Variants in NSMCE2 observed in about 807,000 individuals in gnomAD.
NSMCE2 encodes NSE2 SUMO ligase component of SMC5/6 complex, also known as E3 SUMO-protein ligase NSE2.
Under a neutral mutation model 23.8 loss-of-function variants are expected in NSMCE2, and 24 were observed. The ratio of observed to expected loss-of-function variants is 1.01; its 90% CI spans 0.73 to 1.42. The LOEUF (loss-of-function observed/expected upper bound fraction) is 1.42, where lower values mean the gene tolerates loss of function less well. NSMCE2 is among the 40% of genes most tolerant of loss of function. The probability of loss-of-function intolerance (pLI) is 0.00; values close to 1 mark genes in which losing one functional copy is unlikely to be tolerated. For missense variants in NSMCE2, 284 were observed against 296.5 expected, an observed-to-expected ratio of 0.96 and a Z score of 0.31; for synonymous variants, 92 against 94.1, an observed-to-expected ratio of 0.98 and a Z score of 0.13.
chr8:125,202,405 G>C (rs1476456092), intron 5 of NSMCE2, among the ~76,000 whole-genome samples: 1 of 152,170 alleles, frequency 6.6e-6, no homozygotes, highest in African/African-American at 2.4e-5. Context: ...TATATATGTT[G>C]ATAACAGTGG....
chr8:125,201,041 A>G (rs562799101), intron 5 of NSMCE2, among the ~76,000 whole-genome samples: 5 of 152,222 alleles, frequency 3.3e-5, no homozygotes, highest in Admixed American at 6.5e-5. Context: ...GGTCTTCTCT[A>G]TACTGTTTAT....
chr8:125,231,613 G>A (rs1825326442), intron 5 of NSMCE2, among the ~76,000 whole-genome samples: 1 of 152,164 alleles, frequency 6.6e-6, no homozygotes, highest in African/African-American at 2.4e-5. Context: ...TTCTGAAAAA[G>A]TGGATTAGAA....
intron 5 of NSMCE2, among the ~76,000 whole-genome samples, chr8:125,288,153 T>C (rs940086211): frequency 1.3e-5 from 2 of 152,262 alleles, no homozygotes; most frequent in East Asian, 1.9e-4. Flanking sequence ...TTCTGGGCAA[T>C]TGCGCTTCTT....
chr8:125,132,789 C>A (rs139235996), intron 3 of NSMCE2, among the ~76,000 whole-genome samples: 1 of 152,182 alleles, frequency 6.6e-6, no homozygotes, highest in Non-Finnish European at 1.5e-5. Context: ...GCCACCCACA[C>A]CCAGCCCAAT....
intron 5 of NSMCE2, among the ~76,000 whole-genome samples, chr8:125,257,691 G>A (rs1220145667): frequency 6.6e-6 from 1 of 151,968 alleles, no homozygotes; most frequent in Admixed American, 6.5e-5. Context: ...TCACCACCAT[G>A]CCTGTCGAAT....
intron 4 of NSMCE2, among the ~76,000 whole-genome samples, chr8:125,167,393 A>G (rs549457119): frequency 6.6e-6 from 1 of 152,144 alleles, no homozygotes; most frequent in Non-Finnish European, 1.5e-5. Flanking sequence ...AAGGCCCGGC[A>G]TGGTGGTTTA....
At chr8:125,098,921 G>C (rs113422504) in intron 1 of NSMCE2, among the ~76,000 whole-genome samples, 4,074 of 152,158 alleles carry the variant, frequency 0.027, 86 homozygotes, top group Middle Eastern at 0.051. Flanking sequence ...GGATGGGAGA[G>C]GATGGAAAAG....
At chr8:125,119,302 G>T (rs537336586) in intron 3 of NSMCE2, among the ~76,000 whole-genome samples, 2 of 152,158 alleles carry the variant, frequency 1.3e-5, no homozygotes, top group African/African-American at 4.8e-5. Flanking sequence ...ATTACTTGCT[G>T]TGTTCCCCTG....
At chr8:125,277,393 C>G (rs1299889600) in intron 5 of NSMCE2, among the ~76,000 whole-genome samples, 3 of 152,098 alleles carry the variant, frequency 2.0e-5, no homozygotes, top group Non-Finnish European at 4.4e-5. Flanking sequence ...CTTTTCAGGA[C>G]CTAAACAATT....
chr8:125,312,720 A>G (rs1296065401), intron 5 of NSMCE2, among the ~76,000 whole-genome samples: 1 of 152,258 alleles, frequency 6.6e-6, no homozygotes, highest in Non-Finnish European at 1.5e-5. Context: ...AGCAGACTCA[A>G]CAGGGCAAAA....
chr8:125,222,217 A>C (rs557820574), intron 5 of NSMCE2, among the ~76,000 whole-genome samples: 1 of 152,130 alleles, frequency 6.6e-6, no homozygotes, highest in African/African-American at 2.4e-5. Context: ...CATTGCCTTA[A>C]AGTAGGAACG....
intron 5 of NSMCE2, among the ~76,000 whole-genome samples, chr8:125,276,160 C>G (rs1441898783): frequency 6.6e-6 from 1 of 152,158 alleles, no homozygotes; most frequent in Admixed American, 6.5e-5. Context: ...ATGCCCAGTC[C>G]ACCACTCACA....
intron 5 of NSMCE2, among the ~76,000 whole-genome samples, chr8:125,334,923 T>C (rs1830022611): frequency 6.6e-6 from 1 of 151,616 alleles, no homozygotes; most frequent in Admixed American, 6.6e-5. Context: ...ACCCGGCTAA[T>C]CTTTTATTTT....
At chr8:125,246,070 C>T (rs1310601344) in intron 5 of NSMCE2, among the ~76,000 whole-genome samples, 4 of 151,970 alleles carry the variant, frequency 2.6e-5, no homozygotes, top group Admixed American at 6.6e-5. Context: ...TAACCATAGA[C>T]GTGTTGGGAA....
chr8:125,189,684 A>G (rs1015514525), intron 5 of NSMCE2, among the ~76,000 whole-genome samples: 1 of 152,224 alleles, frequency 6.6e-6, no homozygotes, highest in Non-Finnish European at 1.5e-5. Flanking sequence ...AAAATAGAGG[A>G]CAAAAATTAG....
intron 7 of NSMCE2, among the ~76,000 whole-genome samples, chr8:125,362,380 C>G (rs1278911699): frequency 6.6e-6 from 1 of 152,206 alleles, no homozygotes; most frequent in Non-Finnish European, 1.5e-5. Context: ...AGGAAGTCTT[C>G]CCTGAGCCCT....
chr8:125,148,549 C>T (rs1820811292), intron 3 of NSMCE2, among the ~76,000 whole-genome samples: 1 of 152,146 alleles, frequency 6.6e-6, no homozygotes, highest in South Asian at 2.1e-4. Context: ...GACTTTTGCT[C>T]CCAACAGATA....
At chr8:125,113,796 A>C (rs757635498) in intron 3 of NSMCE2, among the ~76,000 whole-genome samples, 5 of 152,110 alleles carry the variant, frequency 3.3e-5, no homozygotes, top group Non-Finnish European at 7.4e-5. Flanking sequence ...AAGGGACCTT[A>C]GTGGTTAGGT....
intron 3 of NSMCE2, among the ~76,000 whole-genome samples, chr8:125,107,472 A>G (rs1254007529): frequency 2.0e-5 from 3 of 152,032 alleles, no homozygotes; most frequent in Non-Finnish European, 4.4e-5. Flanking sequence ...GATTACAGGC[A>G]TGAGCCACCA....
Sources: gnomAD v4.1 joint callset for allele counts (sites outside exome capture counted in the v4.1 genomes callset) on GRCh38, gnomAD v4.1.1 for gene constraint, MANE v1.5 for transcripts, NCBI Gene and HGNC (gene_info 2026-07-23, HGNC 2026-07-21) for gene names.